DOCK9: variants seen among roughly 807,000 people sequenced by gnomAD.
DOCK9 encodes dedicator of cytokinesis 9.
DOCK9 carries 89 observed loss-of-function variants against 263.3 expected under a neutral mutation model. That is an observed-to-expected ratio of 0.34 (90% CI 0.28 to 0.40). The LOEUF (loss-of-function observed/expected upper bound fraction) is 0.40, where lower values mean the gene tolerates loss of function less well. Ranked by LOEUF, DOCK9 falls within the 10% of genes least tolerant of loss-of-function variation. The pLI is 1.00. For missense variants in DOCK9, 2,140 were observed against 2,603.4 expected, an observed-to-expected ratio of 0.82 and a Z score of 3.87; for synonymous variants, 976 against 973.1, an observed-to-expected ratio of 1.00 and a Z score of -0.06.
At chr13:99,077,324 T>TC (rs1379612347) in intron 1 of DOCK9, among the ~76,000 whole-genome samples, 1 of 152,050 alleles carries the variant, frequency 6.6e-6, no homozygotes, top group Non-Finnish European at 1.5e-5. Flanking sequence ...GGGGCAGACT[T>TC]CCCCCTTACT....
At chr13:98,958,731 A>G (rs2058338821) in intron 1 of DOCK9, among the ~76,000 whole-genome samples, 1 of 152,234 alleles carries the variant, frequency 6.6e-6, no homozygotes, top group African/African-American at 2.4e-5. Context: ...AATTCTTTAT[A>G]TTAATTTTCC....
At chr13:99,043,510 GC>G (rs1888671136) in intron 1 of DOCK9, among the ~76,000 whole-genome samples, 1 of 152,132 alleles carries the variant, frequency 6.6e-6, no homozygotes, top group Non-Finnish European at 1.5e-5. Flanking sequence ...AGCCCCTCTA[GC>G]TTTCCATCAG....
chr13:98,998,705 T>C (rs1431156442), intron 1 of DOCK9, among the ~76,000 whole-genome samples: 4 of 152,144 alleles, frequency 2.6e-5, no homozygotes, highest in Non-Finnish European at 4.4e-5. Context: ...TGGCCCCTAA[T>C]CGTCCAACTG....
chr13:98,905,426 G>A lies in DOCK9; in HGVS notation c.961-720C>T, dbSNP rs185535032. ...AGCTGACTTGGACTAGGGGGTGGTCGTCAGAAACCACCTCCCAAGGGAAGG... is the reference window on the plus strand; with the variant it reads ...AGCTGACTTGGACTAGGGGGTGGTCATCAGAAACCACCTCCCAAGGGAAGG... On this transcript the variant is annotated intron_variant, in intron 9 of 52. Coordinates refer to ENST00000682017, the MANE Select transcript of DOCK9 (RefSeq NM_001366683.2). Among the ~76,000 whole-genome samples, 569 of 152,182 alleles carry A rather than the reference G, an allele frequency of 3.7e-3. 2 individuals carry two copies. Among genetic ancestry groups the A allele is most frequent in the African/African-American group, 0.013 (546 of 41,488 alleles).
intron 1 of DOCK9, among the ~76,000 whole-genome samples, chr13:98,977,336 T>C (rs1344736676): frequency 6.6e-6 from 1 of 152,228 alleles, no homozygotes; most frequent in East Asian, 1.9e-4. Context: ...TTCTAAACTA[T>C]GTAATATTTC....
At chr13:99,064,824 G>T (rs1596020764) in intron 1 of DOCK9, among the ~76,000 whole-genome samples, 1 of 152,054 alleles carries the variant, frequency 6.6e-6, no homozygotes, top group African/African-American at 2.4e-5. Flanking sequence ...CAAGATAAAT[G>T]GTTTTTAAAG....
In DOCK9 at chr13:98,978,013, C is replaced by T; in HGVS notation, c.-104G>A. 1 of 1,454,714 alleles carries T rather than the reference C, an allele frequency of 6.9e-7. No homozygotes were observed. Among genetic ancestry groups the T allele is most frequent in the Non-Finnish European group, 9.0e-7 (1 of 1,105,786 alleles). The allele number at this position is 1,454,714 out of a possible 1,614,324, so 90.1% of individuals were successfully genotyped here. On this transcript the variant is annotated 5_prime_UTR_variant, in exon 1 of 53. Transcript: ENST00000682017. ...CAGTGGTCCAAGGAAGGAAAGGAAACTGGCTTCCCAGGCACAAGTGGTCAG... is the reference window on the plus strand; with the variant it reads ...CAGTGGTCCAAGGAAGGAAAGGAAATTGGCTTCCCAGGCACAAGTGGTCAG...
intron 1 of DOCK9, among the ~76,000 whole-genome samples, chr13:99,083,149 G>T (rs540456740): frequency 2.6e-5 from 4 of 152,176 alleles, no homozygotes; most frequent in African/African-American, 9.6e-5. Context: ...CAGCTACTCC[G>T]GAGGCTGAGG....
chr13:98,988,233 G>A (rs760448050), intron 1 of DOCK9, among the ~76,000 whole-genome samples: 46 of 151,954 alleles, frequency 3.0e-4, no homozygotes, highest in Non-Finnish European at 6.0e-4. Context: ...ATTCATTTCG[G>A]GAACAAAATA....
intron 45 of DOCK9, among the ~76,000 whole-genome samples, chr13:98,821,305 G>C (rs1005027967): frequency 6.6e-6 from 1 of 152,060 alleles, no homozygotes; most frequent in Non-Finnish European, 1.5e-5. Context: ...TCCTCCCTGC[G>C]TGGGTGCCCT....
intron 9 of DOCK9, among the ~76,000 whole-genome samples, chr13:98,906,016 C>G (rs914782573): frequency 3.3e-5 from 5 of 152,166 alleles, no homozygotes; most frequent in African/African-American, 1.2e-4. Flanking sequence ...CTTGGGCAGC[C>G]TGCTGAATGG....
intron 1 of DOCK9, among the ~76,000 whole-genome samples, chr13:99,021,847 C>T (rs1014810041): frequency 6.6e-6 from 1 of 151,876 alleles, no homozygotes; most frequent in African/African-American, 2.4e-5. Flanking sequence ...AGCATTAGGA[C>T]AAATACCTAA....
chr13:98,902,876 G>A, intron 11 of DOCK9, 96 bp downstream of exon 11: 1 of 1,179,080 alleles, frequency 8.5e-7, no homozygotes, highest in Non-Finnish European at 1.1e-6. Flanking sequence ...TTTGATACCA[G>A]GGACTAGGAT....
intron 23 of DOCK9, 50 bp downstream of exon 23, chr13:98,882,992 A>G (rs2045067427): frequency 3.3e-6 from 5 of 1,523,604 alleles, no homozygotes; most frequent in Non-Finnish European, 4.5e-6. Flanking sequence ...AGAAAACCCA[A>G]CCTACTCCAA....
At chr13:98,911,247 G>A (rs1244865486) in intron 9 of DOCK9, among the ~76,000 whole-genome samples, 1 of 152,166 alleles carries the variant, frequency 6.6e-6, no homozygotes, top group Non-Finnish European at 1.5e-5. Context: ...AAGCCAGGGG[G>A]AAAGAGTAAA....
At chr13:98,813,396 T>C (rs180930148) in intron 45 of DOCK9, among the ~76,000 whole-genome samples, 4 of 152,268 alleles carry the variant, frequency 2.6e-5, no homozygotes, top group Middle Eastern at 3.4e-3. Context: ...AAGTTCCTTC[T>C]ATTTCTCATT....
intron 2 of DOCK9, among the ~76,000 whole-genome samples, chr13:98,942,564 T>C (rs1411350439): frequency 2.6e-5 from 4 of 152,216 alleles, no homozygotes; most frequent in African/African-American, 7.2e-5. Flanking sequence ...AATTCTATTT[T>C]AGTTGCTAAA....
chr13:99,074,401 G>A (rs971432226), intron 1 of DOCK9, among the ~76,000 whole-genome samples: 1 of 152,216 alleles, frequency 6.6e-6, no homozygotes, highest in African/African-American at 2.4e-5. Flanking sequence ...TCATATACAA[G>A]AAGGCAAGAG....
At chr13:98,931,145 T>C (rs1241608143) in intron 2 of DOCK9, among the ~76,000 whole-genome samples, 2 of 152,172 alleles carry the variant, frequency 1.3e-5, no homozygotes, top group African/African-American at 4.8e-5. Context: ...CTGTGAATGC[T>C]ACCTCCCCTC....
Sources: allele counts gnomAD v4.1 joint callset (sites outside exome capture counted in the v4.1 genomes callset), GRCh38; gene constraint gnomAD v4.1.1; transcripts MANE v1.5; gene names NCBI Gene and HGNC (gene_info 2026-07-23, HGNC 2026-07-21).